Variants in RGPD2 observed in about 807,000 individuals in gnomAD.
The protein encoded by RGPD2 is RANBP2 like and GRIP domain containing 2, also known as RANBP2-like and GRIP domain-containing protein 2.
In RGPD2, 2 loss-of-function variants were observed where a neutral mutation model predicts 36.0. That is an observed-to-expected ratio of 0.06 (90% CI 0.02 to 0.17). The LOEUF (loss-of-function observed/expected upper bound fraction) is 0.17, where lower values mean the gene tolerates loss of function less well. Among genes scored for constraint, RGPD2 ranks in the 10% least tolerant of loss-of-function variants. RGPD2 has a pLI of 1.00. For synonymous variants in RGPD2, 19 were observed against 163.8 expected, an observed-to-expected ratio of 0.12 and a Z score of 6.75; for missense variants, 40 against 464.3, an observed-to-expected ratio of 0.09 and a Z score of 8.40.
At chr2:87,863,901 C>T in the RGPD2 span, among the ~76,000 whole-genome samples, 2 of 151,888 alleles carry the variant, frequency 1.3e-5, no homozygotes, top group Non-Finnish European at 2.9e-5. Flanking sequence ...TTTACTTTCT[C>T]TTGTGTGGAG....
chr2:87,885,233 C>T, the RGPD2 span, among the ~76,000 whole-genome samples: 1 of 152,172 alleles, frequency 6.6e-6, no homozygotes, highest in African/African-American at 2.4e-5. Context: ...GTCACATCAA[C>T]AGAATGAAGA....
chr2:87,915,558 ATATATATACACATATATGTGTG>A, the RGPD2 span, among the ~76,000 whole-genome samples: 1 of 139,340 alleles, frequency 7.2e-6, no homozygotes, highest in African/African-American at 2.6e-5. Flanking sequence ...GTGTATGTGT[ATATATATACACATATATGTGTG>A]TGTATATACA....
the RGPD2 span, among the ~76,000 whole-genome samples, chr2:87,906,718 G>A: frequency 6.0e-5 from 9 of 150,680 alleles, no homozygotes; most frequent in South Asian, 1.9e-3. Flanking sequence ...ATATATTTCT[G>A]AACCCTCTAA....
chr2:87,852,469 G>T, the RGPD2 span, among the ~76,000 whole-genome samples: 1 of 151,980 alleles, frequency 6.6e-6, no homozygotes, highest in Non-Finnish European at 1.5e-5. Flanking sequence ...GCCCAGAGGG[G>T]TTCTTTAAAA....
chr2:87,771,986 G>A (rs1573998092), intron 22 of RGPD2, among the ~76,000 whole-genome samples, 183 bp downstream of exon 22: 1 of 152,170 alleles, frequency 6.6e-6, no homozygotes, highest in African/African-American at 2.4e-5. Context: ...TTATATAAAT[G>A]TACTACAGTT....
chr2:87,975,508 GTATACCAAAAAAT>G, the RGPD2 span, among the ~76,000 whole-genome samples: 1 of 139,174 alleles, frequency 7.2e-6, no homozygotes, highest in Admixed American at 7.8e-5. Context: ...CCCCCAGGTA[GTATACCAAAAAAT>G]GCATCTGATC....
At chr2:87,837,037 A>G in the RGPD2 span, among the ~76,000 whole-genome samples, 1 of 152,146 alleles carries the variant, frequency 6.6e-6, no homozygotes, top group Admixed American at 6.6e-5. Context: ...TGACTATTCT[A>G]TCTATATATG....
chr2:87,827,225 A>G (rs1435304569), upstream of RGPD2, among the ~76,000 whole-genome samples: 1 of 152,140 alleles, frequency 6.6e-6, no homozygotes, highest in Non-Finnish European at 1.5e-5. Context: ...TTTTAAAGGT[A>G]TTGGATGCCC....
At chr2:87,906,849 G>T in the RGPD2 span, among the ~76,000 whole-genome samples, 1 of 147,670 alleles carries the variant, frequency 6.8e-6, no homozygotes, top group Non-Finnish European at 1.5e-5. Context: ...AGCCCAGAGA[G>T]GTTGAGGCTG....
the RGPD2 span, among the ~76,000 whole-genome samples, chr2:87,853,217 T>G: frequency 6.6e-6 from 1 of 150,808 alleles, no homozygotes. Context: ...CTTTTTTTTT[T>G]GTCTTTTGAC....
the RGPD2 span, among the ~76,000 whole-genome samples, chr2:87,844,764 A>T: frequency 1.3e-5 from 2 of 150,680 alleles, no homozygotes; most frequent in Non-Finnish European, 3.0e-5. Context: ...TTTATTTTAC[A>T]ATTTCATTGT....
chr2:87,969,218 TA>T, the RGPD2 span, among the ~76,000 whole-genome samples: 1,014 of 147,478 alleles, frequency 6.9e-3, 9 homozygotes, highest in African/African-American at 0.025. Context: ...CACACCCAGC[TA>T]ATTTTTGTAT....
chr2:87,836,214 T>A, the RGPD2 span, among the ~76,000 whole-genome samples: 1 of 135,216 alleles, frequency 7.4e-6, no homozygotes, highest in Admixed American at 7.6e-5. Flanking sequence ...AAAATATTAG[T>A]GGGAACTAGA....
the RGPD2 span, among the ~76,000 whole-genome samples, chr2:87,834,462 C>T: frequency 2.0e-5 from 3 of 151,990 alleles, no homozygotes; most frequent in Admixed American, 6.6e-5. Flanking sequence ...GTAAAAAATG[C>T]ACAGAAAATC....
At chr2:87,968,109 T>TC in the RGPD2 span, among the ~76,000 whole-genome samples, 31 of 133,136 alleles carry the variant, frequency 2.3e-4, no homozygotes, top group South Asian at 8.3e-3. Flanking sequence ...CTGGGAGGCA[T>TC]AGGGGAGTAG....
the RGPD2 span, among the ~76,000 whole-genome samples, chr2:87,913,923 C>G: frequency 2.3e-3 from 348 of 152,206 alleles, 3 homozygotes; most frequent in Middle Eastern, 6.8e-3. Context: ...GTTATGTTTA[C>G]TGATCACTAT....
the RGPD2 span, among the ~76,000 whole-genome samples, chr2:87,988,519 A>T: frequency 3.6e-5 from 1 of 27,612 alleles, no homozygotes; most frequent in African/African-American, 6.6e-5. Flanking sequence ...ATATATATAC[A>T]TATAAATATA....
the RGPD2 span, among the ~76,000 whole-genome samples, chr2:87,880,925 G>T: frequency 8.5e-4 from 103 of 120,934 alleles, no homozygotes; most frequent in Middle Eastern, 3.6e-3. Flanking sequence ...GTACAATGGG[G>T]TATAGCTATT....
At chr2:87,857,774 TA>T in the RGPD2 span, among the ~76,000 whole-genome samples, 1,710 of 123,440 alleles carry the variant, frequency 0.014, 14 homozygotes, top group African/African-American at 0.039. Context: ...CCATCTCTAC[TA>T]AAAAAAAAAA....
Sources: allele counts gnomAD v4.1 joint callset (sites outside exome capture counted in the v4.1 genomes callset), GRCh38; gene constraint gnomAD v4.1.1; transcripts MANE v1.5; gene names NCBI Gene and HGNC (gene_info 2026-07-23, HGNC 2026-07-21).